Variants in ANKRD13C observed in about 807,000 individuals in gnomAD.
ANKRD13C encodes the protein ankyrin repeat domain-containing protein 13C.
In ANKRD13C, 16 loss-of-function variants were observed where a neutral mutation model predicts 65.5. The ratio of observed to expected loss-of-function variants is 0.24; its 90% CI spans 0.17 to 0.37. ANKRD13C has a LOEUF of 0.37. Among genes scored for constraint, ANKRD13C ranks in the 10% least tolerant of loss-of-function variants. ANKRD13C has a pLI of 1.00. For synonymous variants in ANKRD13C, 235 were observed against 238.7 expected, an observed-to-expected ratio of 0.98 and a Z score of 0.14; for missense variants, 503 against 655.9, an observed-to-expected ratio of 0.77 and a Z score of 2.55.
intron 8 of ANKRD13C, among the ~76,000 whole-genome samples, chr1:70,294,627 T>C (rs1475022038): frequency 1.3e-5 from 2 of 151,626 alleles, no homozygotes; most frequent in African/African-American, 2.4e-5. Context: ...AGATTTCTTT[T>C]TCTCTCTCTT....
intron 1 of ANKRD13C, among the ~76,000 whole-genome samples, chr1:70,337,748 C>A (rs1365101121): frequency 6.6e-6 from 1 of 152,036 alleles, no homozygotes; most frequent in African/African-American, 2.4e-5. Context: ...GAAATAAGAA[C>A]CGGAGGTACA....
intron 2 of ANKRD13C, among the ~76,000 whole-genome samples, chr1:70,330,649 C>T (rs1407871811): frequency 6.9e-6 from 1 of 145,888 alleles, no homozygotes; most frequent in Non-Finnish European, 1.5e-5. Context: ...ATAGAGAGAA[C>T]CAGTGAGAAA....
intron 2 of ANKRD13C, among the ~76,000 whole-genome samples, chr1:70,335,159 C>A (rs1681965431): frequency 6.6e-6 from 1 of 152,018 alleles, no homozygotes; most frequent in African/African-American, 2.4e-5. Context: ...GTAATCCCAG[C>A]ACTTTGGGAG....
At chr1:70,263,327 G>T (rs1279212014) in intron 12 of ANKRD13C, among the ~76,000 whole-genome samples, 1 of 152,064 alleles carries the variant, frequency 6.6e-6, no homozygotes, top group Non-Finnish European at 1.5e-5. Context: ...TCACTTAAAT[G>T]TGTGGGATAA....
chr1:70,350,611 C>T (rs545644366), intron 1 of ANKRD13C, among the ~76,000 whole-genome samples: 13 of 152,166 alleles, frequency 8.5e-5, no homozygotes, highest in Admixed American at 1.3e-4. Flanking sequence ...GACTCTTGTA[C>T]GGAACAAATG....
intron 9 of ANKRD13C, among the ~76,000 whole-genome samples, chr1:70,289,990 T>C (rs1572062736): frequency 6.6e-6 from 1 of 152,154 alleles, no homozygotes; most frequent in East Asian, 1.9e-4. Flanking sequence ...TGAGTGCATT[T>C]TGTCAAGTAT....
intron 2 of ANKRD13C, among the ~76,000 whole-genome samples, chr1:70,329,635 T>C (rs1243486782): frequency 6.6e-6 from 1 of 152,178 alleles, no homozygotes. Flanking sequence ...TACATTGTGC[T>C]AGACACATAT....
At chr1:70,339,812 TTTATTATTA>T (rs146940723) in intron 1 of ANKRD13C, among the ~76,000 whole-genome samples, 13,825 of 133,728 alleles carry the variant, frequency 0.1, 966 homozygotes, top group Middle Eastern at 0.21. Flanking sequence ...GATCAGTACG[TTTATTATTA>T]TTATTATTAT....
chr1:70,274,467 C>T (rs547671373), intron 11 of ANKRD13C, among the ~76,000 whole-genome samples: 5 of 123,520 alleles, frequency 4.0e-5, no homozygotes, highest in African/African-American at 7.0e-5. Context: ...GAGCAAGACT[C>T]CATCTCAAAA....
chr1:70,325,007 C>A, intron 2 of ANKRD13C, 50 bp from the exon 3 acceptor site: 2 of 1,269,262 alleles, frequency 1.6e-6, no homozygotes, highest in South Asian at 1.5e-5. Context: ...TTTTTAGAAT[C>A]TCTAAATATA....
At chr1:70,350,740 A>G (rs1180707139) in intron 1 of ANKRD13C, among the ~76,000 whole-genome samples, 1 of 152,232 alleles carries the variant, frequency 6.6e-6, no homozygotes, top group African/African-American at 2.4e-5. Context: ...ATACTTACAA[A>G]GAGGTTCATG....
At chr1:70,308,169 T>A (rs1558289152) in intron 5 of ANKRD13C, among the ~76,000 whole-genome samples, 1 of 152,130 alleles carries the variant, frequency 6.6e-6, no homozygotes. Flanking sequence ...ATTACTTATT[T>A]ATTTTTTTAA....
At position 70,259,426 on chromosome 1, in the gene ANKRD13C, A is replaced by T. The variant is rs1678324188; in HGVS notation, c.*3291T>A. Among the ~76,000 whole-genome samples the T allele has an allele frequency of 6.6e-6, 1 of 152,210 alleles. No individual in the cohort carries two copies. Among genetic ancestry groups the T allele is most frequent in the African/African-American group, 2.4e-5 (1 of 41,472 alleles). ...AATTCTATGTACCATAGGTACCATT[A>T]TGACTGAAAGTATTACTCTTCTAAA... is the stretch of plus-strand genomic sequence containing the variant. On this transcript the variant is annotated 3_prime_UTR_variant, in exon 13 of 13. Coordinates refer to ENST00000370944, the MANE Select transcript of ANKRD13C (RefSeq NM_030816.5).
At chr1:70,291,481 C>T (rs1679867126) in intron 9 of ANKRD13C, among the ~76,000 whole-genome samples, 1 of 152,208 alleles carries the variant, frequency 6.6e-6, no homozygotes, top group Admixed American at 6.5e-5. Flanking sequence ...ATGTCTCATA[C>T]ATCTTTTATT....
intron 12 of ANKRD13C, 96 bp from the exon 13 acceptor site, chr1:70,262,943 T>TAA (rs34241203): frequency 0.018 from 8,058 of 458,690 alleles, 35 homozygotes; most frequent in South Asian, 0.022. Context: ...CCTTAAAATG[T>TAA]AAAAAAAAAA....
chr1:70,292,608 A>T, intron 8 of ANKRD13C, 59 bp from the exon 9 acceptor site: 1 of 1,314,584 alleles, frequency 7.6e-7, no homozygotes, highest in Non-Finnish European at 1.0e-6. Flanking sequence ...GTGTCAAGGT[A>T]ATATATTTTT....
intron 2 of ANKRD13C, among the ~76,000 whole-genome samples, chr1:70,334,273 C>T (rs1681924670): frequency 6.6e-6 from 1 of 151,984 alleles, no homozygotes; most frequent in African/African-American, 2.4e-5. Flanking sequence ...CCGCAGTGAG[C>T]TAGGATCGCA....
chr1:70,352,097 T>C (rs1195650899), intron 1 of ANKRD13C, among the ~76,000 whole-genome samples: 2 of 151,830 alleles, frequency 1.3e-5, no homozygotes, highest in Non-Finnish European at 2.9e-5. Context: ...CCCAGCACTC[T>C]GGGAGGCCGA....
chr1:70,328,719 C>T (rs1037794693), intron 2 of ANKRD13C, among the ~76,000 whole-genome samples: 2 of 152,046 alleles, frequency 1.3e-5, no homozygotes, highest in African/African-American at 4.8e-5. Flanking sequence ...TGTTCAGACA[C>T]ATGCACAAGT....
Sources: allele counts gnomAD v4.1 joint callset (sites outside exome capture counted in the v4.1 genomes callset), GRCh38; gene constraint gnomAD v4.1.1; transcripts MANE v1.5; gene names NCBI Gene and HGNC (gene_info 2026-07-23, HGNC 2026-07-21).